Variants in MTUS2 observed in about 807,000 individuals in gnomAD.
MTUS2 encodes the protein microtubule-associated tumor suppressor candidate 2.
A neutral mutation model predicts 114.1 loss-of-function variants in MTUS2; 40 were observed. The ratio of observed to expected loss-of-function variants is 0.35; its 90% CI spans 0.27 to 0.46. The LOEUF (loss-of-function observed/expected upper bound fraction) is 0.46. MTUS2 is among the 20% of genes least tolerant of loss of function. The pLI, the probability that MTUS2 is intolerant of heterozygous loss-of-function variation, is 1.00. For synonymous variants in MTUS2, 688 were observed against 672.0 expected, an observed-to-expected ratio of 1.02 and a Z score of -0.37; for missense variants, 1,679 against 1,705.4, an observed-to-expected ratio of 0.98 and a Z score of 0.27.
chr13:29,329,192 T>C (rs1900657216), intron 7 of MTUS2, among the ~76,000 whole-genome samples: 1 of 152,194 alleles, frequency 6.6e-6, no homozygotes, highest in South Asian at 2.1e-4. Context: ...GCAGGTTTGT[T>C]ACATAGGTGT....
chr13:29,237,183 A>C (rs1896566609), intron 5 of MTUS2, among the ~76,000 whole-genome samples: 1 of 152,222 alleles, frequency 6.6e-6, no homozygotes. Context: ...GGGTTCTTTA[A>C]CATTTTAGAA....
chr13:29,085,694 G>A (rs760339689), intron 4 of MTUS2, among the ~76,000 whole-genome samples: 9 of 152,048 alleles, frequency 5.9e-5, no homozygotes, highest in Non-Finnish European at 1.3e-4. Flanking sequence ...ACCATTCATT[G>A]GGCACCTAGG....
At chr13:29,035,286 C>T (rs1217394549) in intron 4 of MTUS2, among the ~76,000 whole-genome samples, 1 of 152,228 alleles carries the variant, frequency 6.6e-6, no homozygotes, top group Non-Finnish European at 1.5e-5. Context: ...ACTAGTAACA[C>T]TGATGGGTAT....
intron 5 of MTUS2, among the ~76,000 whole-genome samples, chr13:29,148,088 C>T (rs896205868): frequency 6.6e-6 from 1 of 152,206 alleles, no homozygotes; most frequent in African/African-American, 2.4e-5. Flanking sequence ...CTTTTCTCCA[C>T]AGCCTCACCA....
intron 4 of MTUS2, among the ~76,000 whole-genome samples, chr13:29,092,388 A>G (rs1441049333): frequency 2.6e-5 from 4 of 152,084 alleles, no homozygotes; most frequent in Non-Finnish European, 5.9e-5. Context: ...CTAAGCCCAT[A>G]CAAGTCCCAG....
intron 8 of MTUS2, among the ~76,000 whole-genome samples, chr13:29,423,587 T>C (rs2138605420): frequency 6.6e-6 from 1 of 152,338 alleles, no homozygotes; most frequent in Non-Finnish European, 1.5e-5. Context: ...ACATATTGTG[T>C]ATGTCAAAAT....
chr13:29,195,287 A>G (rs891747065), intron 5 of MTUS2, among the ~76,000 whole-genome samples: 3 of 151,914 alleles, frequency 2.0e-5, no homozygotes, highest in Admixed American at 6.5e-5. Flanking sequence ...GGTTTAGTGT[A>G]GGAAACTTGG....
rs1356562156 is a variant in MTUS2 at position 29,232,849 on chromosome 13, T to C, written c.2645-48855T>C. 1.3e-5 allele frequency among the ~76,000 whole-genome samples: 2 copies of C among 152,196 alleles called. 1 individual carries two copies. Among genetic ancestry groups the C allele is most frequent in the Non-Finnish European group, 2.9e-5 (2 of 68,028 alleles). The stretch of plus-strand genomic sequence containing the variant: ...TTAGCTATTCCAGGAGAAATGTCTG[T>C]ATTAAACGTTGTGGGAGTGAAAGCA... On this transcript the variant is annotated intron_variant, in intron 5 of 15. Coordinates refer to ENST00000612955, the MANE Select transcript of MTUS2 (RefSeq NM_001033602.4).
chr13:29,236,243 A>C (rs988887140), intron 5 of MTUS2, among the ~76,000 whole-genome samples: 1 of 151,892 alleles, frequency 6.6e-6, no homozygotes, highest in African/African-American at 2.4e-5. Flanking sequence ...TTGAGCACTT[A>C]CTTCATTTAT....
intron 8 of MTUS2, among the ~76,000 whole-genome samples, chr13:29,383,636 C>T (rs145091960): frequency 9.2e-5 from 14 of 152,274 alleles, no homozygotes; most frequent in African/African-American, 2.6e-4. Flanking sequence ...GGCCTGCCAC[C>T]TTCCCTCCCT....
chr13:29,274,359 C>T (rs1308139271), intron 5 of MTUS2, among the ~76,000 whole-genome samples: 1 of 152,122 alleles, frequency 6.6e-6, no homozygotes, highest in Non-Finnish European at 1.5e-5. Flanking sequence ...ATCTGCCTGC[C>T]TCCGCCTCCC....
In MTUS2 at chr13:29,504,195, A is replaced by G. The variant is rs779230838; in HGVS notation, c.*989A>G. On this transcript the variant is annotated 3_prime_UTR_variant, in exon 16 of 16. Transcript: ENST00000612955. ...GAAGGAAATTGCTGCCAAGGTCTGTATTTTGACCAGGCACAGAGGGGGAAC... is the reference window on the plus strand; with the variant it reads ...GAAGGAAATTGCTGCCAAGGTCTGTGTTTTGACCAGGCACAGAGGGGGAAC... 9.9e-5 allele frequency: 23 copies of G among 232,108 alleles called. No individual in the cohort carries two copies. The highest frequency in any genetic ancestry group is 1.7e-4 in the Non-Finnish European group (20 of 117,344). 14.4% of individuals were successfully genotyped at this position (232,108 alleles called of 1,614,324 possible).
intron 2 of MTUS2, among the ~76,000 whole-genome samples, chr13:29,001,480 G>T (rs1158754742): frequency 5.9e-5 from 9 of 152,194 alleles, no homozygotes; most frequent in African/African-American, 1.9e-4. Flanking sequence ...CAGGCTGTTT[G>T]CCCTGAGCAA....
intron 4 of MTUS2, among the ~76,000 whole-genome samples, chr13:29,073,671 CCTT>C (rs1889048427): frequency 6.6e-6 from 1 of 152,154 alleles, no homozygotes; most frequent in South Asian, 2.1e-4. Flanking sequence ...TACATCTTGC[CCTT>C]CTTCATTATT....
chr13:29,123,463 T>G (rs1381320500), intron 5 of MTUS2, among the ~76,000 whole-genome samples: 1 of 152,170 alleles, frequency 6.6e-6, no homozygotes, highest in Non-Finnish European at 1.5e-5. Context: ...ACTCCTGTAA[T>G]CCTAGCATTT....
chr13:29,261,814 T>TA (rs1183801808), intron 5 of MTUS2, among the ~76,000 whole-genome samples: 4 of 152,196 alleles, frequency 2.6e-5, no homozygotes, highest in African/African-American at 9.7e-5. Context: ...GAGCTAAAGT[T>TA]AGAGTGTTCA....
chr13:29,195,676 G>A (rs1468468690), intron 5 of MTUS2, among the ~76,000 whole-genome samples: 1 of 151,930 alleles, frequency 6.6e-6, no homozygotes, highest in African/African-American at 2.4e-5. Flanking sequence ...AGGGAAGGGC[G>A]CCCCACCCAG....
intron 2 of MTUS2, among the ~76,000 whole-genome samples, chr13:28,934,908 C>G (rs1478204748): frequency 6.6e-6 from 1 of 151,994 alleles, no homozygotes; most frequent in Non-Finnish European, 1.5e-5. Flanking sequence ...ACCACCATCC[C>G]CATCAAGTTA....
chr13:29,472,051 G>A (rs1593483208), intron 9 of MTUS2, among the ~76,000 whole-genome samples: 1 of 152,184 alleles, frequency 6.6e-6, no homozygotes, highest in South Asian at 2.1e-4. Context: ...TTGAGATGAA[G>A]TCTTGCTCTG....
Sources: gnomAD v4.1 joint callset for allele counts (sites outside exome capture counted in the v4.1 genomes callset) on GRCh38, gnomAD v4.1.1 for gene constraint, MANE v1.5 for transcripts, NCBI Gene and HGNC (gene_info 2026-07-23, HGNC 2026-07-21) for gene names.